The following PCDHA8 variants were observed in gnomAD, a reference collection of about 807,000 sequenced individuals.
PCDHA8 encodes protocadherin alpha 8.
Under a neutral mutation model 61.8 loss-of-function variants are expected in PCDHA8, and 53 were observed. That is an observed-to-expected ratio of 0.86 (90% CI 0.69 to 1.08). The LOEUF (loss-of-function observed/expected upper bound fraction) is 1.08, where lower values mean the gene tolerates loss of function less well. PCDHA8 is among the 50% of genes least tolerant of loss of function. PCDHA8 has a pLI of 0.00. For missense variants in PCDHA8, 1,293 were observed against 1,245.0 expected (o/e 1.04, Z -0.58); for synonymous variants, 618 against 556.6 (o/e 1.11, Z -1.55).
At chr5:140,868,866 T>C (rs1319732568) in intron 1 of PCDHA8, 2 of 581,336 alleles carry the variant, frequency 3.4e-6, no homozygotes, top group Non-Finnish European at 5.7e-6. Context: ...GTAAATGCAG[T>C]GCACAGTACT....
At chr5:140,985,491 G>C (rs1288786153) in intron 3 of PCDHA8, among the ~76,000 whole-genome samples, 3 of 152,166 alleles carry the variant, frequency 2.0e-5, no homozygotes, top group African/African-American at 7.2e-5. Flanking sequence ...GACTCAAATA[G>C]AGCCTGCCTT....
chr5:140,969,314 G>A (rs200006206), intron 1 of PCDHA8: 2 of 1,614,032 alleles, frequency 1.2e-6, no homozygotes, highest in Non-Finnish European at 1.7e-6. Context: ...CAAAAATGAG[G>A]CTGTTTCTCA....
chr5:140,943,823 G>A (rs1431339857), intron 1 of PCDHA8, among the ~76,000 whole-genome samples: 3 of 152,206 alleles, frequency 2.0e-5, no homozygotes, highest in African/African-American at 7.2e-5. Flanking sequence ...AAGAAAATGA[G>A]TTGATTGAAG....
chr5:140,993,133 C>T (rs2097542175), intron 3 of PCDHA8, among the ~76,000 whole-genome samples: 1 of 152,190 alleles, frequency 6.6e-6, no homozygotes, highest in East Asian at 1.9e-4. Context: ...CCTTCTGTTG[C>T]AACAAGTATA....
At chr5:140,888,488 C>T (rs1257053839) in intron 1 of PCDHA8, among the ~76,000 whole-genome samples, 2 of 152,204 alleles carry the variant, frequency 1.3e-5, no homozygotes, top group African/African-American at 2.4e-5. Context: ...TGTTGAGAAA[C>T]TCTGCTTTAA....
intron 1 of PCDHA8, among the ~76,000 whole-genome samples, chr5:140,963,667 T>A (rs1206076549): frequency 6.6e-6 from 1 of 152,238 alleles, no homozygotes; most frequent in Non-Finnish European, 1.5e-5. Flanking sequence ...CTATATGGCA[T>A]AGTTAAATGT....
chr5:140,882,656 C>G, intron 1 of PCDHA8: 2 of 1,614,192 alleles, frequency 1.2e-6, no homozygotes, highest in Middle Eastern at 1.6e-4. Flanking sequence ...TAACGACAAC[C>G]CGCCCATATT....
intron 1 of PCDHA8, chr5:140,869,568 G>C (rs1554163237): frequency 6.2e-7 from 1 of 1,614,168 alleles, no homozygotes; most frequent in East Asian, 2.2e-5. Context: ...TTCCACTAGA[G>C]GGAGCTTCTG....
intron 1 of PCDHA8, among the ~76,000 whole-genome samples, chr5:140,886,851 AG>A (rs2061199020): frequency 6.6e-6 from 1 of 151,608 alleles, no homozygotes; most frequent in South Asian, 2.1e-4. Context: ...AAAAAAAGAA[AG>A]GTCTTCCCAA....
At chr5:140,850,495 T>A (rs2150486434) in intron 1 of PCDHA8, 3 of 1,597,906 alleles carry the variant, frequency 1.9e-6, no homozygotes, top group South Asian at 2.2e-5. Flanking sequence ...ACTGTGCTGG[T>A]GTCGCTGGTG....
chr5:140,902,953 C>G (rs549407032), intron 1 of PCDHA8, among the ~76,000 whole-genome samples: 1 of 152,162 alleles, frequency 6.6e-6, no homozygotes, highest in East Asian at 1.9e-4. Context: ...TCTTTATCCA[C>G]TTGTTGGCTG....
intron 3 of PCDHA8, among the ~76,000 whole-genome samples, chr5:140,993,183 A>C (rs551464442): frequency 2.7e-4 from 41 of 152,298 alleles, no homozygotes; most frequent in Non-Finnish European, 5.0e-4. Flanking sequence ...ATTTCTTTAG[A>C]GGGAAACTCA....
intron 1 of PCDHA8, chr5:140,867,112 T>C (rs1446733026): frequency 6.6e-6 from 1 of 152,146 alleles, no homozygotes; most frequent in Non-Finnish European, 1.5e-5. Flanking sequence ...AATTAACATA[T>C]TGTTTTAATT....
At chr5:140,895,137 G>A (rs1184479322) in intron 1 of PCDHA8, among the ~76,000 whole-genome samples, 2 of 152,072 alleles carry the variant, frequency 1.3e-5, no homozygotes, top group Non-Finnish European at 2.9e-5. Context: ...CAAGTTCATA[G>A]GGCTAAGACA....
chr5:140,850,523 A>G (rs2150487907), intron 1 of PCDHA8: 1 of 1,598,226 alleles, frequency 6.3e-7, no homozygotes, highest in Non-Finnish European at 8.6e-7. Flanking sequence ...GCCAGGCGCC[A>G]AAGTCATCGT....
intron 3 of PCDHA8, among the ~76,000 whole-genome samples, chr5:140,993,250 T>G (rs1554253518): frequency 6.6e-6 from 1 of 152,154 alleles, no homozygotes; most frequent in East Asian, 1.9e-4. Context: ...GGGATTTAGA[T>G]ATATAAATTA....
At chr5:140,995,924 G>T (rs998405229) in intron 3 of PCDHA8, among the ~76,000 whole-genome samples, 2 of 152,308 alleles carry the variant, frequency 1.3e-5, no homozygotes, top group African/African-American at 4.8e-5. Flanking sequence ...ATAGGCTGTT[G>T]TAAGTATTAA....
Position 140,842,816 on chromosome 5 carries a change from G to T in PCDHA8, c.1495G>T (p.Val499Leu), listed in dbSNP as rs144864522. Residue 499 changes from valine to leucine, a missense_variant, in exon 1 of 4, where the codon GTG becomes TTG. Val to Leu is a conservative substitution (Grantham distance 32). Coordinates refer to ENST00000531613, the MANE Select transcript of PCDHA8 (RefSeq NM_018911.3). ...LVSYSLVERR[V>L]GERSLSSYIS... Reference sequence around the variant, plus strand: ...GTCCTACTCGCTTGTGGAGCGGCGGGTGGGCGAGCGCTCGCTGTCGAGCTA... The same window carrying T: ...GTCCTACTCGCTTGTGGAGCGGCGGTTGGGCGAGCGCTCGCTGTCGAGCTA... 2.5e-5 allele frequency: 40 copies of T among 1,594,004 alleles called. 2 individuals are homozygous for T. The African/African-American group carries it at 4.0e-4, about 16-fold the overall frequency.
chr5:140,912,261 C>T (rs2075834049), intron 1 of PCDHA8, among the ~76,000 whole-genome samples: 2 of 152,116 alleles, frequency 1.3e-5, no homozygotes, highest in Non-Finnish European at 2.9e-5. Context: ...TTGATGACAC[C>T]CTCACAGATA....
Sources: allele counts gnomAD v4.1 joint callset (sites outside exome capture counted in the v4.1 genomes callset), GRCh38; gene constraint gnomAD v4.1.1; transcripts MANE v1.5; gene names NCBI Gene and HGNC (gene_info 2026-07-23, HGNC 2026-07-21).